The following C4orf50 variants were observed in gnomAD, a reference collection of about 807,000 sequenced individuals.
The protein encoded by C4orf50 is uncharacterized protein C4orf50.
In C4orf50, 80 loss-of-function variants were observed where a neutral mutation model predicts 77.2. The observed-to-expected ratio is 1.04, with a 90% CI of 0.87 to 1.25. The LOEUF (loss-of-function observed/expected upper bound fraction) is 1.25, where lower values mean the gene tolerates loss of function less well. Ranked by LOEUF, C4orf50 falls within the 50% of genes most tolerant of loss-of-function variation. C4orf50 has a pLI of 0.00. For missense variants in C4orf50, 1,257 were observed against 1,152.9 expected, an observed-to-expected ratio of 1.09 and a Z score of -1.31; for synonymous variants, 532 against 465.3, an observed-to-expected ratio of 1.14 and a Z score of -1.84.
At chr4:5,912,283 G>A (rs1410288437) in intron 7 of C4orf50, among the ~76,000 whole-genome samples, 1 of 151,934 alleles carries the variant, frequency 6.6e-6, no homozygotes, top group South Asian at 2.1e-4. Flanking sequence ...GTGTGTGTGT[G>A]TGTGTGTGTG....
chr4:5,920,679 T>C (rs1717227017), intron 7 of C4orf50, among the ~76,000 whole-genome samples: 1 of 71,234 alleles, frequency 1.4e-5, no homozygotes, highest in African/African-American at 2.9e-5. Context: ...CTTTCACCAT[T>C]TGGCCAGGCT....
At position 5,988,526 on chromosome 4, in the gene C4orf50, G is replaced by C. The variant is rs756863049; in HGVS notation, c.3520C>G (p.Arg1174Gly). Residue 1174 changes from arginine to glycine, a missense_variant, in exon 28 of 34, where the codon CGC (arginine) becomes GGC (glycine). By Grantham distance (125) the Arg-to-Gly change is moderately radical. Coordinates refer to ENST00000531445, the Ensembl canonical transcript of C4orf50. ...GATGGAGGGGGAGAATCAGCACCGC[G>C]TCTGGAATTCCCGGTGCCTGTGGAA... 6 of 1,537,784 alleles carry C rather than the reference G, an allele frequency of 3.9e-6. No individual in the cohort carries two copies. In the African/African-American group the frequency reaches 6.8e-5, roughly 18 times the overall value.
intron 7 of C4orf50, among the ~76,000 whole-genome samples, chr4:5,915,498 C>G (rs2108733484): frequency 6.6e-6 from 1 of 152,332 alleles, no homozygotes; most frequent in African/African-American, 2.4e-5. Context: ...GTGGGCATCC[C>G]TGGCCAATGT....
intron 26 of C4orf50, 144 bp downstream of exon 4, chr4:5,994,203 T>A: frequency 2.5e-6 from 1 of 394,624 alleles, no homozygotes; most frequent in East Asian, 3.6e-5. Flanking sequence ...GGACCCTACC[T>A]CTCTGAGCCT....
chr4:5,928,799 A>G (rs1717635282), intron 7 of C4orf50, among the ~76,000 whole-genome samples: 1 of 152,138 alleles, frequency 6.6e-6, no homozygotes, highest in Admixed American at 6.5e-5. Flanking sequence ...TTTCCCTACT[A>G]GAGATGTTTT....
intron 23 of C4orf50, among the ~76,000 whole-genome samples, chr4:6,016,925 G>A (rs1722705321): frequency 6.6e-6 from 1 of 152,216 alleles, no homozygotes; most frequent in Non-Finnish European, 1.5e-5. Context: ...GCACGTGGCT[G>A]CTGGGATATG....
chr4:5,947,790 T>TC (rs989536412), intron 7 of C4orf50, among the ~76,000 whole-genome samples: 6 of 152,132 alleles, frequency 3.9e-5, no homozygotes, highest in Admixed American at 3.9e-4. Context: ...GGCTGGATCG[T>TC]CCCCCTGGGA....
rs1370087502 is a variant in C4orf50 at position 6,015,647 on chromosome 4, G to A, written c.287+2498C>T. Among the ~76,000 whole-genome samples the A allele has an allele frequency of 3.9e-5, 6 of 152,052 alleles. No individual in the cohort carries two copies. Among genetic ancestry groups the A allele is most frequent in the East Asian group, 1.9e-4 (1 of 5,188 alleles). On this transcript the variant is annotated intron_variant, in intron 23 of 33. Coordinates refer to ENST00000531445, the Ensembl canonical transcript of C4orf50. This position sits in a 1 kb window ranked among gnomAD's most constrained non-coding sequence, Gnocchi z 4.4. Reference sequence around the variant, plus strand: ...TGTAACACGTCACCACAAGCTTGGCGGCCAGAAGTCGGAATCAGTCTTCCT... The same window carrying A: ...TGTAACACGTCACCACAAGCTTGGCAGCCAGAAGTCGGAATCAGTCTTCCT...
intron 31 of C4orf50, among the ~76,000 whole-genome samples, chr4:5,972,681 G>C (rs1219854169): frequency 6.6e-6 from 1 of 152,242 alleles, no homozygotes; most frequent in Non-Finnish European, 1.5e-5. Context: ...CTGGTGCCAA[G>C]GGGCTGAGAG....
chr4:5,990,978 G>A (rs540856385), intron 27 of C4orf50, among the ~76,000 whole-genome samples, 154 bp from the exon 6 acceptor site: 1 of 152,194 alleles, frequency 6.6e-6, no homozygotes, highest in Admixed American at 6.5e-5. Flanking sequence ...TACCGCCCCA[G>A]GGCCTTTGCA....
chr4:5,937,024 C>T (rs540829743), intron 7 of C4orf50, among the ~76,000 whole-genome samples: 7 of 150,654 alleles, frequency 4.6e-5, no homozygotes, highest in African/African-American at 1.7e-4. Flanking sequence ...GATCACCTAA[C>T]CATAAAAAAA....
chr4:5,947,889 C>T (rs961900093), intron 7 of C4orf50, among the ~76,000 whole-genome samples: 1 of 152,344 alleles, frequency 6.6e-6, no homozygotes, highest in African/African-American at 2.4e-5. Flanking sequence ...GTCAGCCCAG[C>T]CCCCAGGGTC....
downstream of C4orf50, among the ~76,000 whole-genome samples, chr4:5,953,302 G>A (rs1320381955): frequency 6.6e-6 from 1 of 152,138 alleles, no homozygotes. Context: ...ACTGAGTTTG[G>A]GCTGGTTTCT....
At chr4:5,975,951 T>C (rs1720255731) in exon 30 of C4orf50, 4 of 1,613,350 alleles carry the variant, frequency 2.5e-6, no homozygotes, top group Admixed American at 1.7e-5. Context: ...CTGAAGTTCT[T>C]CAAGCTGAAA....
chr4:5,899,789 C>T (rs982290982), intron 7 of C4orf50: 13 of 152,184 alleles, frequency 8.5e-5, no homozygotes, highest in African/African-American at 3.1e-4. Flanking sequence ...TGCCCAGGGC[C>T]CCACCCAATA....
rs1338636689 is a variant in C4orf50 at position 6,015,193 on chromosome 4, T to C, written c.287+2952A>G. Reference sequence around the variant, plus strand: ...CTGTGTTGAAGGCCTAACCCCCAAGTTCCTTAGAATGTGATTATATTTGGA... The same window carrying C: ...CTGTGTTGAAGGCCTAACCCCCAAGCTCCTTAGAATGTGATTATATTTGGA... On this transcript the variant is annotated intron_variant, in intron 23 of 33. Coordinates refer to ENST00000531445, the Ensembl canonical transcript of C4orf50. This position sits in a 1 kb window ranked among gnomAD's most constrained non-coding sequence, Gnocchi z 4.4. 6.6e-6 allele frequency among the ~76,000 whole-genome samples: 1 copy of C among 152,166 alleles called. No individual in the cohort carries two copies. The highest frequency in any genetic ancestry group is 1.5e-5 in the Non-Finnish European group (1 of 68,030).
At chr4:5,967,420 A>C in exon 32 of C4orf50, 1 of 1,613,664 alleles carries the variant, frequency 6.2e-7, no homozygotes, top group Non-Finnish European at 8.5e-7. Context: ...TGACCTCTTA[A>C]AGCTGCCGTC....
At chr4:5,987,725 T>C (rs1720957452) in intron 28 of C4orf50, among the ~76,000 whole-genome samples, 1 of 151,852 alleles carries the variant, frequency 6.6e-6, no homozygotes, top group African/African-American at 2.4e-5. Flanking sequence ...ATGGAATGAA[T>C]GAATGCCAGG....
chr4:5,952,820 C>T (rs1163424961), downstream of C4orf50, among the ~76,000 whole-genome samples: 2 of 152,096 alleles, frequency 1.3e-5, no homozygotes, highest in Admixed American at 1.3e-4. This position sits in a 1 kb window ranked among gnomAD's most constrained non-coding sequence, Gnocchi z 4.4. Flanking sequence ...CAGTTCCCGA[C>T]ACCGACACTC....
Sources: allele counts gnomAD v4.1 joint callset (sites outside exome capture counted in the v4.1 genomes callset), GRCh38; gene constraint gnomAD v4.1.1; non-coding constraint Gnocchi (gnomAD v3.1); transcripts MANE v1.5; gene names NCBI Gene and HGNC (gene_info 2026-07-23, HGNC 2026-07-21).